The following CLDN14 variants were observed in gnomAD, a reference collection of about 807,000 sequenced individuals.
CLDN14 encodes the protein claudin 14.
A neutral mutation model predicts 2.1 loss-of-function variants in CLDN14; 2 were observed. That is an observed-to-expected ratio of 0.96 (90% CI 0.39 to 3.01). The LOEUF is 3.01. CLDN14 is among the 30% of genes most tolerant of loss of function. The pLI is 0.09. For missense variants in CLDN14, 298 were observed against 328.0 expected (o/e 0.91, Z 0.71); for synonymous variants, 136 against 154.4 (o/e 0.88, Z 0.88).
chr21:36,524,410 CG>C (rs1207286090), intron 1 of CLDN14, among the ~76,000 whole-genome samples: 2 of 152,212 alleles, frequency 1.3e-5, no homozygotes, highest in East Asian at 3.9e-4. Flanking sequence ...GCATGAGCCA[CG>C]GCGCCTGGCC....
chr21:36,500,294 C>T (rs899847731), intron 2 of CLDN14, among the ~76,000 whole-genome samples: 1 of 152,192 alleles, frequency 6.6e-6, no homozygotes, highest in Non-Finnish European at 1.5e-5. Flanking sequence ...CACCAGGCCA[C>T]CTCAGACTTT....
intron 1 of CLDN14, among the ~76,000 whole-genome samples, chr21:36,475,464 G>C (rs575677586): frequency 6.6e-6 from 1 of 152,348 alleles, no homozygotes; most frequent in Non-Finnish European, 1.5e-5. Context: ...CTGATTCGCT[G>C]ACTGGGGTGG....
At chr21:36,463,105 T>C (rs2086600827) in intron 1 of CLDN14, among the ~76,000 whole-genome samples, 1 of 152,116 alleles carries the variant, frequency 6.6e-6, no homozygotes, top group African/African-American at 2.4e-5. Flanking sequence ...AGTGGACCAC[T>C]AGCTTTTCTC....
At chr21:36,575,365 G>A (rs2087734623) in intron 1 of CLDN14, among the ~76,000 whole-genome samples, 1 of 152,144 alleles carries the variant, frequency 6.6e-6, no homozygotes, top group Non-Finnish European at 1.5e-5. Flanking sequence ...TAGCTGAATT[G>A]TATCTCCACA....
intron 2 of CLDN14, among the ~76,000 whole-genome samples, chr21:36,492,985 G>A (rs2086983460): frequency 6.6e-6 from 1 of 152,212 alleles, no homozygotes; most frequent in Non-Finnish European, 1.5e-5. Context: ...GTCTTTGTGG[G>A]GAGAGACGAG....
In CLDN14 at chr21:36,537,654, TTC is replaced by T. The variant is rs1205991847; in HGVS notation, c.-219-27156_-219-27155del. On this transcript the variant is annotated intron_variant, in intron 1 of 2. Coordinates refer to the CLDN14 transcript ENST00000342108. ...CTTTTTTCTTTGTTTTTCTTTTCTT[TTC>T]TTTTTTTTTTTGAGACGGAGTCTCG... 6.7e-5 allele frequency among the ~76,000 whole-genome samples: 10 copies of T among 149,462 alleles called. 2 individuals are homozygous for T. Among genetic ancestry groups the T allele is most frequent in the Non-Finnish European group, 1.5e-4 (10 of 67,028 alleles).
intron 1 of CLDN14, among the ~76,000 whole-genome samples, chr21:36,515,972 G>C (rs1333583499): frequency 2.0e-5 from 3 of 151,718 alleles, no homozygotes; most frequent in Admixed American, 6.6e-5. Flanking sequence ...TTTTTTAGTA[G>C]AGACGGGGTT....
chr21:36,538,830 T>C (rs1324678366), intron 1 of CLDN14, among the ~76,000 whole-genome samples: 1 of 152,070 alleles, frequency 6.6e-6, no homozygotes, highest in African/African-American at 2.4e-5. Flanking sequence ...TCTTCCTAAC[T>C]CTTCAGAGAT....
intron 2 of CLDN14, among the ~76,000 whole-genome samples, chr21:36,508,348 A>G (rs2087152498): frequency 6.6e-6 from 1 of 152,218 alleles, no homozygotes; most frequent in Non-Finnish European, 1.5e-5. Flanking sequence ...GCCTTCATGG[A>G]AATGATGAAG....
chr21:36,516,648 CT>C (rs2087230993), intron 1 of CLDN14, among the ~76,000 whole-genome samples: 1 of 152,186 alleles, frequency 6.6e-6, no homozygotes, highest in Non-Finnish European at 1.5e-5. Context: ...CAAAAAGATT[CT>C]GCTGAAAACA....
At chr21:36,529,060 A>G (rs1329985109) in intron 1 of CLDN14, among the ~76,000 whole-genome samples, 1 of 152,242 alleles carries the variant, frequency 6.6e-6, no homozygotes, top group African/African-American at 2.4e-5. Context: ...GGCTAGAAAG[A>G]AACACTTCTT....
At chr21:36,538,835 A>C (rs1173081714) in intron 1 of CLDN14, among the ~76,000 whole-genome samples, 2 of 152,164 alleles carry the variant, frequency 1.3e-5, no homozygotes, top group African/African-American at 4.8e-5. Context: ...CTAACTCTTC[A>C]GAGATCACCC....
chr21:36,527,745 T>C (rs746274881), intron 1 of CLDN14, among the ~76,000 whole-genome samples: 2 of 152,010 alleles, frequency 1.3e-5, no homozygotes, highest in African/African-American at 2.4e-5. Context: ...GGAATCGTTA[T>C]TGGTAAGGCA....
rs1307753518 is a variant in CLDN14, at chr21:36,551,033, A to G, written c.-220+25378T>C. Among the ~76,000 whole-genome samples, 4 of 152,188 alleles carry G rather than the reference A, an allele frequency of 2.6e-5. No homozygotes were observed. The highest frequency in any genetic ancestry group is 4.4e-5 in the Non-Finnish European group (3 of 68,026). On this transcript the variant is annotated intron_variant, in intron 1 of 2. Transcript: ENST00000342108. This position sits in a 1 kb window ranked among gnomAD's most constrained non-coding sequence, Gnocchi z 4.8. ...GAAGAGGGAGGCAGAGACTGCAGTG[A>G]CACAGCTGTGAGCCAAGGCCAAGGA...
intron 1 of CLDN14, among the ~76,000 whole-genome samples, chr21:36,554,422 G>A (rs2146519480): frequency 6.6e-6 from 1 of 152,316 alleles, no homozygotes; most frequent in East Asian, 1.9e-4. Flanking sequence ...GGTGCCCCGT[G>A]AGGAAAGCAG....
At chr21:36,547,554 C>T (rs1378815928) in intron 1 of CLDN14, among the ~76,000 whole-genome samples, 3 of 152,136 alleles carry the variant, frequency 2.0e-5, no homozygotes, top group East Asian at 1.9e-4. Context: ...ATCAGAAACA[C>T]GTGGAGAGGC....
At chr21:36,486,361 T>C in intron 2 of CLDN14, 1 of 887,282 alleles carries the variant, frequency 1.1e-6, no homozygotes. Context: ...GTTGTAGCAA[T>C]CCTGGCCTCA....
At chr21:36,489,193 GGAGAGAGAGAGAGAAA>G (rs1274242388) in intron 2 of CLDN14, among the ~76,000 whole-genome samples, 2 of 140,276 alleles carry the variant, frequency 1.4e-5, no homozygotes, top group Admixed American at 1.4e-4. Flanking sequence ...ATGGGGGGCG[GGAGAGAGAGAGAGAAA>G]GAGAGAGAGA....
chr21:36,524,738 C>A (rs1029661178), intron 1 of CLDN14, among the ~76,000 whole-genome samples: 3 of 152,198 alleles, frequency 2.0e-5, no homozygotes, highest in Non-Finnish European at 4.4e-5. Flanking sequence ...CCCAGCAGGG[C>A]TGGTGGGCAC....
Sources: gnomAD v4.1 joint callset for allele counts (sites outside exome capture counted in the v4.1 genomes callset) on GRCh38, gnomAD v4.1.1 for gene constraint, Gnocchi (gnomAD v3.1) non-coding constraint, MANE v1.5 for transcripts, NCBI Gene and HGNC (gene_info 2026-07-23, HGNC 2026-07-21) for gene names.